Variants in ROBO1 observed in about 807,000 individuals in gnomAD.
The protein encoded by ROBO1 is roundabout guidance receptor 1, also known as roundabout homolog 1.
In ROBO1, 149 loss-of-function variants were observed where a neutral mutation model predicts 195.9. The ratio of observed to expected loss-of-function variants is 0.76; its 90% CI spans 0.67 to 0.87. ROBO1 has a LOEUF of 0.87. Ranked by LOEUF, ROBO1 falls within the 40% of genes least tolerant of loss-of-function variation. The pLI is 0.00. For missense variants in ROBO1, 1,933 were observed against 2,068.3 expected (o/e 0.93, Z 1.27); for synonymous variants, 816 against 733.2 (o/e 1.11, Z -1.82).
chr3:79,393,457 A>T (rs1291409404), intron 2 of ROBO1, among the ~76,000 whole-genome samples: 1 of 152,196 alleles, frequency 6.6e-6, no homozygotes, highest in Non-Finnish European at 1.5e-5. Flanking sequence ...AGTTTGAATC[A>T]AGGTTTTACT....
At position 79,749,436 on chromosome 3, in the gene ROBO1, T is replaced by C. The variant is rs1178267780; in HGVS notation, c.-51+18316A>G. On this transcript the variant is annotated intron_variant, in intron 1 of 30. Coordinates refer to ENST00000464233, the MANE Select transcript of ROBO1 (RefSeq NM_002941.4). ...GAGAAATTCAAGCCACCTGCAGAAA[T>C]TTGCATAAATAATGAGGATCCAAAT... Among the ~76,000 whole-genome samples, 4 of 152,196 alleles carry C rather than the reference T, an allele frequency of 2.6e-5. No individual in the cohort carries two copies. In the East Asian group the frequency reaches 5.8e-4, roughly 22 times the overall value.
intron 10 of ROBO1, among the ~76,000 whole-genome samples, chr3:78,678,692 C>T (rs1461076260): frequency 6.6e-6 from 1 of 152,080 alleles, no homozygotes; most frequent in Non-Finnish European, 1.5e-5. Context: ...AATAGCTTAC[C>T]AACCAAAAAG....
chr3:79,362,247 C>A (rs2035798821), intron 2 of ROBO1, among the ~76,000 whole-genome samples: 1 of 151,990 alleles, frequency 6.6e-6, no homozygotes, highest in African/African-American at 2.4e-5. Context: ...AAGCGACAAC[C>A]AGTTTTTTAA....
chr3:79,155,457 T>G (rs112106359), intron 2 of ROBO1, among the ~76,000 whole-genome samples: 248 of 151,948 alleles, frequency 1.6e-3, no homozygotes, highest in African/African-American at 5.6e-3. Context: ...AGACCTTTTT[T>G]CTTTGCCTAA....
intron 2 of ROBO1, among the ~76,000 whole-genome samples, chr3:79,357,164 C>T (rs928368503): frequency 3.9e-5 from 6 of 152,132 alleles, no homozygotes; most frequent in African/African-American, 1.4e-4. Flanking sequence ...GAAATTTCCA[C>T]CTAAAAAATT....
At chr3:79,389,406 C>A (rs73848872) in intron 2 of ROBO1, among the ~76,000 whole-genome samples, 2,118 of 152,000 alleles carry the variant, frequency 0.014, 38 homozygotes, top group African/African-American at 0.047. Flanking sequence ...TGCAGGGTAG[C>A]ACAAATAAAT....
chr3:79,441,609 G>A (rs1377607606), intron 2 of ROBO1, among the ~76,000 whole-genome samples: 3 of 151,970 alleles, frequency 2.0e-5, no homozygotes, highest in African/African-American at 7.2e-5. Context: ...ACTCTCCTTA[G>A]TCCTTCAAAT....
intron 2 of ROBO1, among the ~76,000 whole-genome samples, chr3:79,348,747 T>C (rs776695347): frequency 6.6e-6 from 1 of 152,146 alleles, no homozygotes; most frequent in Non-Finnish European, 1.5e-5. Flanking sequence ...TATTTTTGAG[T>C]GGAAAAAGAC....
intron 8 of ROBO1, among the ~76,000 whole-genome samples, chr3:78,710,887 A>C (rs534395031): frequency 2.6e-5 from 4 of 152,206 alleles, no homozygotes; most frequent in Non-Finnish European, 5.9e-5. Flanking sequence ...AATAAAAATA[A>C]ATTTATGTGC....
intron 2 of ROBO1, among the ~76,000 whole-genome samples, chr3:79,210,393 A>G (rs2081948045): frequency 6.6e-6 from 1 of 152,178 alleles, no homozygotes; most frequent in South Asian, 2.1e-4. Flanking sequence ...ATCTTCAACA[A>G]AGCATATAAG....
intron 2 of ROBO1, among the ~76,000 whole-genome samples, chr3:79,585,408 C>T (rs1303911234): frequency 6.6e-6 from 1 of 151,884 alleles, no homozygotes; most frequent in Non-Finnish European, 1.5e-5. Flanking sequence ...AGTTCAGTGG[C>T]TTTGTGTATT....
chr3:79,082,682 T>G (rs2079295641), intron 3 of ROBO1, among the ~76,000 whole-genome samples: 1 of 152,162 alleles, frequency 6.6e-6, no homozygotes, highest in Admixed American at 6.6e-5. Flanking sequence ...GTTGTCTCTA[T>G]GCCTGCCCCA....
At chr3:79,098,277 G>T (rs550370045) in intron 3 of ROBO1, among the ~76,000 whole-genome samples, 2 of 151,862 alleles carry the variant, frequency 1.3e-5, no homozygotes, top group South Asian at 4.1e-4. Context: ...TCCTGATGTG[G>T]CTTTACTAGA....
intron 28 of ROBO1, among the ~76,000 whole-genome samples, chr3:78,610,559 T>C (rs1455882544): frequency 3.3e-5 from 5 of 152,150 alleles, no homozygotes; most frequent in Non-Finnish European, 7.3e-5. Flanking sequence ...ATCAGGAAGC[T>C]GATGACTGCC....
intron 2 of ROBO1, among the ~76,000 whole-genome samples, chr3:79,555,428 G>T (rs1003622630): frequency 1.3e-5 from 2 of 152,066 alleles, no homozygotes; most frequent in East Asian, 3.9e-4. Context: ...GTGATACGTA[G>T]ATCATGTTAG....
intron 1 of ROBO1, among the ~76,000 whole-genome samples, chr3:79,744,859 A>T (rs1703801611): frequency 6.6e-6 from 1 of 152,126 alleles, no homozygotes; most frequent in Admixed American, 6.6e-5. Context: ...GAAGTGATGA[A>T]TGATAAAAAA....
intron 2 of ROBO1, among the ~76,000 whole-genome samples, chr3:79,167,792 G>A (rs111845008): frequency 0.015 from 2,324 of 152,180 alleles, 25 homozygotes; most frequent in Non-Finnish European, 0.025. Context: ...TGAATTTTTG[G>A]TTTTGAGGTT....
At chr3:79,018,734 G>A (rs2078021515) in intron 3 of ROBO1, 1 of 1,222,000 alleles carries the variant, frequency 8.2e-7, no homozygotes, top group Non-Finnish European at 1.0e-6. Flanking sequence ...CATCCAAAGC[G>A]AACAACAAAG....
intron 4 of ROBO1, among the ~76,000 whole-genome samples, chr3:78,889,958 G>C (rs1217094502): frequency 4.0e-5 from 6 of 151,876 alleles, no homozygotes; most frequent in African/African-American, 1.2e-4. Flanking sequence ...CTCTCTCAGC[G>C]AGGCCTGCCC....
Sources: gnomAD v4.1 joint callset for allele counts (sites outside exome capture counted in the v4.1 genomes callset) on GRCh38, gnomAD v4.1.1 for gene constraint, MANE v1.5 for transcripts, NCBI Gene and HGNC (gene_info 2026-07-23, HGNC 2026-07-21) for gene names.